Variants in CEP295 observed in about 807,000 individuals in gnomAD.
The protein encoded by CEP295 is centrosomal protein 295, also known as centrosomal protein of 295 kDa.
CEP295 carries 190 observed loss-of-function variants against 291.6 expected under a neutral mutation model. The ratio of observed to expected loss-of-function variants is 0.65; its 90% CI spans 0.58 to 0.73. The LOEUF (loss-of-function observed/expected upper bound fraction) is 0.73, where lower values mean the gene tolerates loss of function less well. CEP295 is among the 30% of genes least tolerant of loss of function. The pLI, the probability that CEP295 is intolerant of heterozygous loss-of-function variation, is 0.00. For missense variants in CEP295, 2,863 were observed against 2,949.4 expected, an observed-to-expected ratio of 0.97 and a Z score of 0.68; for synonymous variants, 993 against 1,038.8, an observed-to-expected ratio of 0.96 and a Z score of 0.85.
chr11:93,713,411 G>T (rs1446404150), intron 18 of CEP295, among the ~76,000 whole-genome samples: 4 of 152,054 alleles, frequency 2.6e-5, no homozygotes, highest in Admixed American at 2.6e-4. Context: ...CTCAGCTTTT[G>T]TCTAGGAAAG....
In CEP295 at chr11:93,697,274, C is replaced by A. The variant is rs902520913; in HGVS notation, c.2362C>A (p.Pro788Thr). The A allele has an allele frequency of 6.4e-6, 10 of 1,551,648 alleles. No homozygotes were observed. In the African/African-American group the frequency reaches 1.4e-4, roughly 21 times the overall value. The change falls in exon 15 of 30, where the codon CCA becomes ACA. Residue 788 changes from proline to threonine, a missense_variant. Physicochemically the swap from Pro to Thr is conservative, Grantham distance 38. Transcript: ENST00000325212. The part of the protein sequence containing the change: ...YHLTEPSSFV[P>T]LVPQHSFSSL... ...TTTAACTGAACCTTCTTCATTTGTACCACTGGTACCTCAGCATTCTTTTAG... is the reference window on the plus strand; with the variant it reads ...TTTAACTGAACCTTCTTCATTTGTAACACTGGTACCTCAGCATTCTTTTAG...
Position 93,729,866 on chromosome 11 carries a change from T to C in CEP295, c.7568-4T>C. 1 of 1,541,320 alleles carries C rather than the reference T, an allele frequency of 6.5e-7. No individual in the cohort carries two copies. The highest frequency in any genetic ancestry group is 2.1e-5 in the Admixed American group (1 of 47,920). ...ACAACTTGATTTCACTTTTCTTTCC[T>C]CAGGTTCATCTGTGAGTCGTCTAAA... On this transcript the variant is annotated splice_polypyrimidine_tract_variant and splice_region_variant and intron_variant, in intron 27 of 29. Coordinates refer to ENST00000325212, the MANE Select transcript of CEP295 (RefSeq NM_033395.2).
At chr11:93,694,314 A>T (rs1428051600) in intron 12 of CEP295, among the ~76,000 whole-genome samples, 2 of 152,192 alleles carry the variant, frequency 1.3e-5, no homozygotes, top group Non-Finnish European at 2.9e-5. Flanking sequence ...CCCCTAGTGG[A>T]TGCTTAATAG....
In CEP295 at chr11:93,687,854, G is replaced by A; in HGVS notation, c.1325G>A (p.Gly442Glu). The change falls in exon 10 of 30, where the codon GGG becomes GAG. Residue 442 changes from glycine to glutamate, a missense_variant. Around this residue, in one of 3 missense-constraint regions of CEP295, gnomAD observed 554 missense variants for 576.0 expected, o/e 0.96. Coordinates refer to ENST00000325212, the MANE Select transcript of CEP295 (RefSeq NM_033395.2). Reference sequence around the variant, plus strand: ...AGCAAAGAGAGAACGTTATCCTCTGGGCAGGAACAAGGTATTTCTCTCCAA... The same window carrying A: ...AGCAAAGAGAGAACGTTATCCTCTGAGCAGGAACAAGGTATTTCTCTCCAA... ...IASKERTLSSGQEQVVESDTL... is the reference protein window; with the variant it reads ...IASKERTLSSEQEQVVESDTL... 1 of 1,548,882 alleles carries A rather than the reference G, an allele frequency of 6.5e-7. No homozygotes were observed. Among genetic ancestry groups the A allele is most frequent in the Non-Finnish European group, 8.7e-7 (1 of 1,145,426 alleles).
chr11:93,706,334 G>C (rs1375444380), intron 17 of CEP295, among the ~76,000 whole-genome samples: 4 of 152,160 alleles, frequency 2.6e-5, no homozygotes, highest in Non-Finnish European at 5.9e-5. Context: ...AGGTCAAGAA[G>C]TGGAACATTA....
chr11:93,675,591 T>G lies in CEP295; in HGVS notation c.549T>G (p.Ile183Met), dbSNP rs543402397. Residue 183 changes from isoleucine (I) to methionine (M), a missense_variant, in exon 6 of 30, where the codon ATT (isoleucine) becomes ATG (methionine). Coordinates refer to ENST00000325212, the MANE Select transcript of CEP295 (RefSeq NM_033395.2). ...TLFENIEVKR[I>M]SAVKTNSSTY... Reference sequence around the variant, plus strand: ...TCCAGAACATCGAAGTAAAAAGAATTTCTGCAGTCAAAACCAATAGTTCTA... The same window carrying G: ...TCCAGAACATCGAAGTAAAAAGAATGTCTGCAGTCAAAACCAATAGTTCTA... The G allele has an allele frequency of 7.8e-5, 117 of 1,500,658 alleles. 3 individuals are homozygous for G. In the South Asian group the frequency reaches 1.5e-3, roughly 20 times the overall value. The allele number at this position is 1,500,658 out of a possible 1,614,324, so 93.0% of individuals were successfully genotyped here. A position where few individuals can be genotyped will look rare whatever the true frequency, so the allele number is the denominator to read the frequency against.
chr11:93,724,862 CA>C (rs1372386195), intron 22 of CEP295, among the ~76,000 whole-genome samples: 1 of 152,058 alleles, frequency 6.6e-6, no homozygotes, highest in African/African-American at 2.4e-5. Flanking sequence ...CACCCTAGAC[CA>C]ATTAAAGCAG....
chr11:93,702,721 TAG>T, intron 16 of CEP295, 53 bp from the exon 17 acceptor site: 2 of 1,538,816 alleles, frequency 1.3e-6, no homozygotes, highest in Non-Finnish European at 1.8e-6. Context: ...GAAGAAAAGT[TAG>T]AAGTATGTTA....
At chr11:93,703,372 C>T (rs1952298872) in intron 17 of CEP295, among the ~76,000 whole-genome samples, 1 of 150,760 alleles carries the variant, frequency 6.6e-6, no homozygotes, top group East Asian at 1.9e-4. Flanking sequence ...GAAAAAATGG[C>T]TTATTTAAAC....
At chr11:93,663,745 C>A (rs1459715855) in intron 1 of CEP295, among the ~76,000 whole-genome samples, 16 of 151,992 alleles carry the variant, frequency 1.1e-4, no homozygotes, top group Admixed American at 1.0e-3. Flanking sequence ...ATTTTAGGAG[C>A]TTAAAAATAA....
In CEP295 at chr11:93,668,952, T is replaced by C; in HGVS notation, c.434+20T>C. 2.0e-6 allele frequency: 2 copies of C among 1,011,902 alleles called. No homozygotes were observed. The highest frequency in any genetic ancestry group is 2.9e-6 in the Non-Finnish European group (2 of 681,040). The allele number at this position is 1,011,902 out of a possible 1,614,324, so 62.7% of individuals were successfully genotyped here. On this transcript the variant is annotated intron_variant, in intron 4 of 29. Transcript: ENST00000325212. ...AACCTGGTAAAGTAATAATTTTTAC[T>C]ATAATCTCAACTGAAACTAACATGG...
In CEP295 at chr11:93,699,997, G is replaced by C; in HGVS notation, c.5085G>C (p.Leu1695Phe). 3 of 1,551,656 alleles carry C rather than the reference G, an allele frequency of 1.9e-6. No homozygotes were observed. The highest frequency in any genetic ancestry group is 2.6e-6 in the Non-Finnish European group (3 of 1,146,976). ...PVIPGFQDRL[L>F]SFSQSVLTQQ... ...TCCCAGGGTTTCAAGATAGACTTTT[G>C]AGTTTTTCACAGTCTGTCTTAACTC... Residue 1695 changes from leucine to phenylalanine, a missense_variant, in exon 15 of 30, where the codon TTG becomes TTC. By Grantham distance (22) the Leu-to-Phe change is conservative. Around this residue, in one of 3 missense-constraint regions of CEP295, gnomAD observed 2,295 missense variants for 2,335.7 expected, o/e 0.98. Transcript: ENST00000325212.
intron 10 of CEP295, among the ~76,000 whole-genome samples, chr11:93,690,459 T>A (rs1951467030): frequency 1.3e-5 from 2 of 150,728 alleles, no homozygotes; most frequent in South Asian, 4.2e-4. Flanking sequence ...CTTGGGAGGC[T>A]GAGGCAGGAG....
intron 1 of CEP295, 96 bp downstream of exon 1, chr11:93,661,870 C>T (rs1950000998): frequency 6.5e-6 from 1 of 152,678 alleles, no homozygotes; most frequent in African/African-American, 2.4e-5. Flanking sequence ...AATGGGATCC[C>T]AGGAAGGCGC....
Position 93,727,469 on chromosome 11 carries a change from A to T in CEP295, c.6993A>T (p.Gly2331=). Residue 2331 remains glycine, a synonymous_variant, in exon 24 of 30, where the codon GGA becomes GGT. Coordinates refer to ENST00000325212, the MANE Select transcript of CEP295 (RefSeq NM_033395.2). ...SRLCVRTVEM[G]TSIQAPYSLT... ...TATGTGTAAGAACAGTGGAGATGGGAACTTCAATTCAGGCACCATATTCCT... is the reference window on the plus strand; with the variant it reads ...TATGTGTAAGAACAGTGGAGATGGGTACTTCAATTCAGGCACCATATTCCT... 6.4e-7 allele frequency: 1 copy of T among 1,552,042 alleles called. No homozygotes were observed. The highest frequency in any genetic ancestry group is 1.2e-5 in the South Asian group (1 of 84,056).
Position 93,691,682 on chromosome 11 carries a change from G to A in CEP295, c.1337-1G>A, listed in dbSNP as rs1287063377. ...AATAACAGTGGTATTATCTATTACA[G>A]TTGTTGAAAGTGATACACTAACAAT... is the stretch of plus-strand genomic sequence containing the variant. On this transcript the variant is annotated splice_acceptor_variant, in intron 10 of 29. Coordinates refer to ENST00000325212, the MANE Select transcript of CEP295 (RefSeq NM_033395.2). LOFTEE classifies it high-confidence loss of function. 1.3e-6 allele frequency: 2 copies of A among 1,515,284 alleles called. No homozygotes were observed. The allele number at this position is 1,515,284 out of a possible 1,614,324, so 93.9% of individuals were successfully genotyped here.
intron 7 of CEP295, 45 bp from the exon 8 acceptor site, chr11:93,683,514 C>A: frequency 1.4e-6 from 2 of 1,385,800 alleles, no homozygotes; most frequent in Non-Finnish European, 1.9e-6. Flanking sequence ...TATTACCATA[C>A]AAAGTTTGTG....
chr11:93,711,710 C>T (rs1952913766), intron 18 of CEP295, among the ~76,000 whole-genome samples: 1 of 152,030 alleles, frequency 6.6e-6, no homozygotes, highest in Admixed American at 6.6e-5. Flanking sequence ...ACCATATTGG[C>T]CAGGCTGGTC....
chr11:93,722,419 G>A (rs1023018221), intron 20 of CEP295: 1 of 191,520 alleles, frequency 5.2e-6, no homozygotes, highest in Admixed American at 5.6e-5. Flanking sequence ...CCACAATCAC[G>A]CCACTGCACT....
Sources: gnomAD v4.1 joint callset for allele counts (sites outside exome capture counted in the v4.1 genomes callset) on GRCh38, gnomAD v4.1.1 for gene constraint, gnomAD v4.1.1 regional missense constraint, MANE v1.5 for transcripts, NCBI Gene and HGNC (gene_info 2026-07-23, HGNC 2026-07-21) for gene names.